The following S100Z variants were observed in gnomAD, a reference collection of about 807,000 sequenced individuals.
S100Z encodes the protein protein S100-Z.
S100Z carries 11 observed loss-of-function variants against 8.5 expected under a neutral mutation model. The observed-to-expected ratio is 1.30, with a 90% confidence interval of 0.82 to 2.15. The LOEUF (loss-of-function observed/expected upper bound fraction) is 2.15. Ranked by LOEUF, S100Z falls within the 30% of genes most tolerant of loss-of-function variation. The pLI, the probability that S100Z is intolerant of heterozygous loss-of-function variation, is 0.00. For synonymous variants in S100Z, 34 were observed against 43.8 expected (o/e 0.78, Z 0.89); for missense variants, 126 against 117.9 (o/e 1.07, Z -0.32).
chr5:76,872,414 C>T (rs76752060), intron 2 of S100Z, among the ~76,000 whole-genome samples: 2,245 of 152,170 alleles, frequency 0.015, 65 homozygotes, highest in African/African-American at 0.051. Context: ...GTAATCCCAG[C>T]ACTTTGGGAG....
intron 4 of S100Z, among the ~76,000 whole-genome samples, chr5:76,910,366 G>A (rs1744607304): frequency 3.3e-5 from 5 of 152,128 alleles, no homozygotes; most frequent in Admixed American, 2.0e-4. Context: ...CAACCTTGGT[G>A]TTCTATAATA....
intron 4 of S100Z, among the ~76,000 whole-genome samples, chr5:76,885,191 C>T (rs1244893925): frequency 6.6e-6 from 1 of 152,090 alleles, no homozygotes; most frequent in Non-Finnish European, 1.5e-5. Flanking sequence ...CTTGAGGACA[C>T]AGGCTAAGGG....
intron 4 of S100Z, among the ~76,000 whole-genome samples, chr5:76,879,998 G>T (rs1743337462): frequency 6.6e-6 from 1 of 152,208 alleles, no homozygotes; most frequent in South Asian, 2.1e-4. Flanking sequence ...AGTCCGAAAA[G>T]AGAGTCAGCA....
the S100Z span, among the ~76,000 whole-genome samples, chr5:76,936,615 CTACACACA>C: frequency 1.9e-3 from 115 of 60,486 alleles, no homozygotes; most frequent in Non-Finnish European, 3.4e-3. Context: ...ATTAAAGTTC[CTACACACA>C]CACACACACA....
At chr5:76,914,983 G>A (rs1744804175) in intron 4 of S100Z, among the ~76,000 whole-genome samples, 1 of 152,182 alleles carries the variant, frequency 6.6e-6, no homozygotes, top group Non-Finnish European at 1.5e-5. Context: ...AAGTCAGCAA[G>A]ACCAAGAATC....
chr5:76,852,503 A>C (rs1034485411), intron 1 of S100Z, among the ~76,000 whole-genome samples: 2 of 152,118 alleles, frequency 1.3e-5, no homozygotes, highest in African/African-American at 4.8e-5. Flanking sequence ...TTGAGGCCAA[A>C]GTTTGAGAAT....
chr5:76,874,989 G>A (rs1814969), intron 2 of S100Z, among the ~76,000 whole-genome samples: 92,461 of 151,900 alleles, frequency 0.61, 28,511 homozygotes, highest in East Asian at 0.67. Context: ...GGTTCACGCC[G>A]TTCTCCTGCC....
chr5:76,931,417 T>C, the S100Z span, among the ~76,000 whole-genome samples: 655 of 152,294 alleles, frequency 4.3e-3, 1 homozygote, highest in African/African-American at 0.015. Flanking sequence ...CTGGCTCCTC[T>C]TTCTCTTCTT....
At chr5:76,869,919 A>T (rs987552220) in intron 1 of S100Z, among the ~76,000 whole-genome samples, 13 of 152,034 alleles carry the variant, frequency 8.6e-5, no homozygotes, top group African/African-American at 2.9e-4. Flanking sequence ...GCTACTCAGG[A>T]GGCTGAGGAA....
At chr5:76,902,212 C>G (rs1227324811) in intron 4 of S100Z, among the ~76,000 whole-genome samples, 1 of 152,170 alleles carries the variant, frequency 6.6e-6, no homozygotes, top group African/African-American at 2.4e-5. Context: ...TCCTTGGCTG[C>G]CCCACGTGAT....
At chr5:76,861,745 GGTTCAGAT>G (rs1421030821) in intron 1 of S100Z, among the ~76,000 whole-genome samples, 1 of 152,202 alleles carries the variant, frequency 6.6e-6, no homozygotes, top group African/African-American at 2.4e-5. Context: ...GACTGGCTGA[GGTTCAGAT>G]CAAGATTCAT....
intron 1 of S100Z, among the ~76,000 whole-genome samples, chr5:76,852,889 T>G (rs1750769986): frequency 6.6e-6 from 1 of 152,218 alleles, no homozygotes; most frequent in African/African-American, 2.4e-5. Context: ...TTATCCTATC[T>G]TATCAGCTGG....
At chr5:76,932,772 T>C in the S100Z span, among the ~76,000 whole-genome samples, 1 of 152,146 alleles carries the variant, frequency 6.6e-6, no homozygotes, top group African/African-American at 2.4e-5. Context: ...TCATTTATTT[T>C]TTCATCAACG....
At chr5:76,861,865 A>C (rs1351794763) in intron 1 of S100Z, among the ~76,000 whole-genome samples, 1 of 152,200 alleles carries the variant, frequency 6.6e-6, no homozygotes, top group African/African-American at 2.4e-5. Context: ...CCCTATTTTC[A>C]GAGAAAGAAT....
chr5:76,875,881 G>C (rs1029446128), intron 3 of S100Z, among the ~76,000 whole-genome samples: 1 of 152,054 alleles, frequency 6.6e-6, no homozygotes, highest in African/African-American at 2.4e-5. Flanking sequence ...AGGTGAAGGG[G>C]TACTTTACCT....
At chr5:76,912,241 C>T (rs377335704) in intron 4 of S100Z, among the ~76,000 whole-genome samples, 24 of 152,220 alleles carry the variant, frequency 1.6e-4, no homozygotes, top group South Asian at 1.2e-3. Flanking sequence ...CTTGAGGGAC[C>T]GGTGCTTCAA....
intron 4 of S100Z, among the ~76,000 whole-genome samples, chr5:76,887,431 C>T (rs191523095): frequency 5.2e-4 from 57 of 110,592 alleles, no homozygotes; most frequent in African/African-American, 1.7e-3. Flanking sequence ...GATGAGGTCT[C>T]GCTCTGTGCC....
At chr5:76,950,268 A>C in the S100Z span, among the ~76,000 whole-genome samples, 1 of 152,248 alleles carries the variant, frequency 6.6e-6, no homozygotes, top group Non-Finnish European at 1.5e-5. Flanking sequence ...ACTTGCGTGC[A>C]TAGGGATTTT....
intron 1 of S100Z, among the ~76,000 whole-genome samples, chr5:76,853,611 C>A (rs1295993262): frequency 6.6e-6 from 1 of 152,026 alleles, no homozygotes; most frequent in Middle Eastern, 3.4e-3. Flanking sequence ...GCCTGGCCAA[C>A]AAGGTGAAAC....
Sources: allele counts gnomAD v4.1 joint callset (sites outside exome capture counted in the v4.1 genomes callset), GRCh38; gene constraint gnomAD v4.1.1; transcripts MANE v1.5; gene names NCBI Gene and HGNC (gene_info 2026-07-23, HGNC 2026-07-21).